The following ZFPM1 variants were observed in gnomAD, a reference collection of about 807,000 sequenced individuals.
ZFPM1 encodes zinc finger protein ZFPM1.
A neutral mutation model predicts 46.3 loss-of-function variants in ZFPM1; 28 were observed. The ratio of observed to expected loss-of-function variants is 0.60; its 90% confidence interval spans 0.45 to 0.83. The LOEUF is 0.83. Ranked by LOEUF, ZFPM1 falls within the 40% of genes least tolerant of loss-of-function variation. The pLI is 0.00. For synonymous variants in ZFPM1, 957 were observed against 675.9 expected (o/e 1.42, Z -6.45); for missense variants, 1,878 against 1,432.4 (o/e 1.31, Z -5.02).
In ZFPM1 at chr16:88,468,212, G is replaced by A. The variant is rs1908243824; in HGVS notation, c.40+14534G>A. On this transcript the variant is annotated intron_variant, in intron 1 of 9. Transcript: ENST00000319555. Reference sequence around the variant, plus strand: ...AGCCCACCGCCCCTCAAGCACCCGCGAGCCCACCGCCCCTCAAGCACCCGC... The same window carrying A: ...AGCCCACCGCCCCTCAAGCACCCGCAAGCCCACCGCCCCTCAAGCACCCGC... Among the ~76,000 whole-genome samples the A allele has an allele frequency of 2.4e-5, 3 of 126,198 alleles. No homozygotes were observed. In the Admixed American group the frequency reaches 2.4e-4, roughly 10 times the overall value. 82.8% of individuals were successfully genotyped at this position (126,198 alleles called of 152,430 possible). A position where few individuals can be genotyped will look rare whatever the true frequency, so the allele number is the denominator to read the frequency against.
At chr16:88,529,401 G>A (rs1912605834) in intron 6 of ZFPM1, among the ~76,000 whole-genome samples, 1 of 152,238 alleles carries the variant, frequency 6.6e-6, no homozygotes, top group South Asian at 2.1e-4. Flanking sequence ...TGAAGTAGGT[G>A]GAGGCAGCCA....
At chr16:88,519,857 G>C (rs1297357313) in intron 4 of ZFPM1, among the ~76,000 whole-genome samples, 2 of 151,700 alleles carry the variant, frequency 1.3e-5, no homozygotes, top group Non-Finnish European at 2.9e-5. Flanking sequence ...ATGGATGTGT[G>C]GATGGGTGGG....
At chr16:88,454,241 C>T (rs962530273) in intron 1 of ZFPM1, among the ~76,000 whole-genome samples, 3 of 152,168 alleles carry the variant, frequency 2.0e-5, no homozygotes, top group African/African-American at 7.2e-5. Context: ...CCCACCGGTG[C>T]CGTCGCAGAG....
chr16:88,457,878 C>A (rs780344453), intron 1 of ZFPM1, among the ~76,000 whole-genome samples: 1 of 152,092 alleles, frequency 6.6e-6, no homozygotes, highest in Non-Finnish European at 1.5e-5. Flanking sequence ...CAGGGTCTGG[C>A]GGACCCCGGA....
At chr16:88,499,560 GC>G (rs1211497305) in intron 3 of ZFPM1, among the ~76,000 whole-genome samples, 1 of 152,246 alleles carries the variant, frequency 6.6e-6, no homozygotes, top group African/African-American at 2.4e-5. Flanking sequence ...CTGGTGCCTA[GC>G]AGGCTGGACA....
intron 2 of ZFPM1, among the ~76,000 whole-genome samples, chr16:88,487,400 G>A (rs894822901): frequency 7.2e-5 from 11 of 152,210 alleles, no homozygotes; most frequent in Admixed American, 1.3e-4. Context: ...GGCCATACCC[G>A]GACCATTTGG....
intron 3 of ZFPM1, among the ~76,000 whole-genome samples, chr16:88,491,217 G>A (rs1337851790): frequency 1.3e-5 from 2 of 152,144 alleles, no homozygotes; most frequent in Non-Finnish European, 2.9e-5. Context: ...CGCCCTGACT[G>A]CCTCAGTGTC....
In ZFPM1 at chr16:88,505,778, G is replaced by A. The variant is rs982287336; in HGVS notation, c.269-8609G>A. Among the ~76,000 whole-genome samples, 9 of 152,122 alleles carry A rather than the reference G, an allele frequency of 5.9e-5. No individual in the cohort carries two copies. The South Asian group carries it at 1.4e-3, about 24-fold the overall frequency. On this transcript the variant is annotated intron_variant, in intron 3 of 9. Coordinates refer to ENST00000319555, the MANE Select transcript of ZFPM1 (RefSeq NM_153813.3). ...AGCACATCTTGGCAAGGAGACCACC[G>A]TGCTGGTGGGCGGGTGCTTGGAGGA...
chr16:88,487,823 C>A (rs773612608), intron 2 of ZFPM1, among the ~76,000 whole-genome samples: 1 of 152,158 alleles, frequency 6.6e-6, no homozygotes, highest in Non-Finnish European at 1.5e-5. Context: ...GGGCTGGGGC[C>A]GCCATCTCCC....
Position 88,465,312 on chromosome 16 carries a change from G to A in ZFPM1, c.40+11634G>A, listed in dbSNP as rs573003104. 3.3e-5 allele frequency among the ~76,000 whole-genome samples: 5 copies of A among 152,364 alleles called. No individual in the cohort carries two copies. In the South Asian group the frequency reaches 8.3e-4, roughly 25 times the overall value. On this transcript the variant is annotated intron_variant, in intron 1 of 9. Transcript: ENST00000319555. Reference sequence around the variant, plus strand: ...AGGCTGGTGCTGGGAGCTAGTAACCGTGGCCCACAGGCCTGCGGGGAAGCC... The same window carrying A: ...AGGCTGGTGCTGGGAGCTAGTAACCATGGCCCACAGGCCTGCGGGGAAGCC...
chr16:88,476,496 C>G (rs926556717), intron 1 of ZFPM1, among the ~76,000 whole-genome samples: 4 of 151,972 alleles, frequency 2.6e-5, no homozygotes, highest in Non-Finnish European at 4.4e-5. Context: ...GGGAGAGGGC[C>G]GAGCAGGTGC....
At chr16:88,515,322 A>G (rs1004207247) in intron 4 of ZFPM1, among the ~76,000 whole-genome samples, 2 of 152,180 alleles carry the variant, frequency 1.3e-5, no homozygotes, top group African/African-American at 4.8e-5. Context: ...AAGCTGGCCC[A>G]GGACAGAGGG....
At chr16:88,486,846 G>A (rs1909260990) in intron 2 of ZFPM1, among the ~76,000 whole-genome samples, 1 of 151,758 alleles carries the variant, frequency 6.6e-6, no homozygotes, top group African/African-American at 2.4e-5. Context: ...GTGGATGCTG[G>A]GTGCAAGTGG....
intron 4 of ZFPM1, among the ~76,000 whole-genome samples, 197 bp downstream of exon 4, chr16:88,514,717 T>TG (rs1332902919): frequency 6.6e-6 from 1 of 152,144 alleles, no homozygotes; most frequent in Admixed American, 6.5e-5. Context: ...GGAGGTGATA[T>TG]GGGGCCTTTG....
chr16:88,517,336 AGGTG>A (rs1355492673), intron 4 of ZFPM1, among the ~76,000 whole-genome samples: 2 of 118,354 alleles, frequency 1.7e-5, no homozygotes, highest in South Asian at 3.2e-4. Context: ...GTGGGTGGGT[AGGTG>A]GGTGGATGGA....
intron 3 of ZFPM1, among the ~76,000 whole-genome samples, chr16:88,498,123 G>T (rs1012731508): frequency 6.6e-6 from 1 of 152,066 alleles, no homozygotes; most frequent in African/African-American, 2.4e-5. Context: ...CAGCTCCAGA[G>T]ACCAGACCCA....
chr16:88,466,825 G>A (rs536443761), intron 1 of ZFPM1, among the ~76,000 whole-genome samples: 1 of 152,254 alleles, frequency 6.6e-6, no homozygotes, highest in South Asian at 2.1e-4. Flanking sequence ...CTGCCCCCTG[G>A]CCGGCAGCCT....
chr16:88,505,201 T>G (rs535741836), intron 3 of ZFPM1, among the ~76,000 whole-genome samples: 4 of 152,266 alleles, frequency 2.6e-5, no homozygotes, highest in African/African-American at 9.6e-5. Flanking sequence ...TGCTCTACAG[T>G]GGACGCCAGG....
chr16:88,499,042 G>A (rs1303203535), intron 3 of ZFPM1, among the ~76,000 whole-genome samples: 1 of 152,192 alleles, frequency 6.6e-6, no homozygotes, highest in Non-Finnish European at 1.5e-5. Flanking sequence ...CTTGGGGCCA[G>A]AGCCATCTGC....
Sources: allele counts gnomAD v4.1 joint callset (sites outside exome capture counted in the v4.1 genomes callset), GRCh38; gene constraint gnomAD v4.1.1; transcripts MANE v1.5; gene names NCBI Gene and HGNC (gene_info 2026-07-23, HGNC 2026-07-21).